IGSF3: variants seen among roughly 807,000 people sequenced by gnomAD.
The protein encoded by IGSF3 is glu-Trp-Ile EWI motif-containing protein 3.
A neutral mutation model predicts 114.4 loss-of-function variants in IGSF3; 23 were observed. The ratio of observed to expected loss-of-function variants is 0.20; its 90% CI spans 0.14 to 0.28. IGSF3 has a LOEUF of 0.28. Ranked by LOEUF, IGSF3 falls within the 10% of genes least tolerant of loss-of-function variation. The pLI, the probability that IGSF3 is intolerant of heterozygous loss-of-function variation, is 1.00. For missense variants in IGSF3, 1,172 were observed against 1,591.5 expected (o/e 0.74, Z 4.48); for synonymous variants, 571 against 645.2 (o/e 0.88, Z 1.74).
chr1:116,600,158 G>A lies in IGSF3; in HGVS notation c.1812C>T (p.Val604=), dbSNP rs1660515314. The A allele has an allele frequency of 6.2e-7, 1 of 1,613,882 alleles. No individual in the cohort carries two copies. Among genetic ancestry groups the A allele is most frequent in the Non-Finnish European group, 8.5e-7 (1 of 1,179,952 alleles). The change falls in exon 7 of 11, where the codon GTC becomes GTT. Residue 604 remains valine, a synonymous_variant. Transcript: ENST00000369486. This position sits in a 1 kb window ranked among gnomAD's most constrained non-coding sequence, Gnocchi z 5.5. ...AGCTGGAGGACCTGTCCCCCCACTGGACCCCTCCGTCCCGGGTGAAGGTCA... is the reference window on the plus strand; with the variant it reads ...AGCTGGAGGACCTGTCCCCCCACTGAACCCCTCCGTCCCGGGTGAAGGTCA... ...DLVTFTRDGG[V]QWGDRSSSFR...
Position 116,649,896 on chromosome 1 carries a change from C to T in IGSF3, c.43+16388G>A, listed in dbSNP as rs1046208632. Among the ~76,000 whole-genome samples the T allele has an allele frequency of 1.3e-5, 2 of 152,216 alleles. No individual in the cohort carries two copies. The highest frequency in any genetic ancestry group is 4.8e-5 in the African/African-American group (2 of 41,462). On this transcript the variant is annotated intron_variant, in intron 2 of 10. Transcript: ENST00000369486. This position sits in a 1 kb window ranked among gnomAD's most constrained non-coding sequence, Gnocchi z 4.5. ...ATCTCCCTGTTTTTTGGCAGCGCCA[C>T]ATCCACACCTGTCTTCACAGGTTTG...
intron 6 of IGSF3, among the ~76,000 whole-genome samples, chr1:116,602,807 G>A (rs1376456060): frequency 6.6e-6 from 1 of 152,226 alleles, no homozygotes; most frequent in Non-Finnish European, 1.5e-5. Flanking sequence ...TCACAGACTG[G>A]TCGTTTAAAA....
chr1:116,609,874 A>G (rs901132557), intron 4 of IGSF3, among the ~76,000 whole-genome samples: 2 of 151,786 alleles, frequency 1.3e-5, no homozygotes. Flanking sequence ...GCTCAGCTTT[A>G]CCCCTCCCGC....
Position 116,579,792 on chromosome 1 carries a change from G to C in IGSF3, c.2934C>G (p.Ser978=), listed in dbSNP as rs1659522385. The change falls in exon 10 of 11, where the codon TCC becomes TCG. Residue 978 remains serine, a synonymous_variant. Coordinates refer to ENST00000369486, the MANE Select transcript of IGSF3 (RefSeq NM_001007237.3). The surrounding 1 kb of genome is among the most constrained non-coding windows in gnomAD (Gnocchi z 6.4). ...CGAAGCGGGAGTCCTGGCTGGAGCG[G>C]GACACGATGCTACAGTCCAGCTGGA... ...AAFQLDCSIV[S]RSSQDSRFAV... The C allele has an allele frequency of 6.2e-7, 1 of 1,613,970 alleles. No individual in the cohort carries two copies. Among genetic ancestry groups the C allele is most frequent in the African/African-American group, 1.3e-5 (1 of 74,910 alleles).
At position 116,588,710 on chromosome 1, in the gene IGSF3, G is replaced by A. The variant is rs761643133; in HGVS notation, c.2424C>T (p.Val808=). Residue 808 remains valine, a synonymous_variant, in exon 8 of 11, where the codon GTC becomes GTT. Transcript: ENST00000369486. The surrounding 1 kb of genome is among the most constrained non-coding windows in gnomAD (Gnocchi z 4.9). ...CGGCCTTACCTGGCTGTTTCACAGT[G>A]ACTTCTGTGCGCCCAGAAACCTCCT... ...LAEEVSGRTE[V]TVKQPDSRLR... The A allele has an allele frequency of 9.4e-6, 15 of 1,600,744 alleles. No individual in the cohort carries two copies. The highest frequency in any genetic ancestry group is 3.4e-5 in the Admixed American group (2 of 59,158).
intron 9 of IGSF3, among the ~76,000 whole-genome samples, chr1:116,581,320 C>CTT (rs955415319): frequency 0.012 from 814 of 70,492 alleles, 18 homozygotes; most frequent in African/African-American, 0.032. Context: ...GTTTTGCTGT[C>CTT]TTTTTTTTTT....
rs576578490 is a variant in IGSF3, at chr1:116,628,687, T to G, written c.44-12230A>C. ...AGAGCACTGACACTGCTTCTGGGGG[T>G]TTTCCCAAGCACGTGTTACGTATGA... On this transcript the variant is annotated intron_variant, in intron 2 of 10. Transcript: ENST00000369486. This position sits in a 1 kb window ranked among gnomAD's most constrained non-coding sequence, Gnocchi z 4.2. Among the ~76,000 whole-genome samples, 39 of 151,190 alleles carry G rather than the reference T, an allele frequency of 2.6e-4. No homozygotes were observed. The highest frequency in any genetic ancestry group is 8.3e-4 in the African/African-American group (34 of 41,124).
At position 116,648,681 on chromosome 1, in the gene IGSF3, G is replaced by C. The variant is rs1351888348; in HGVS notation, c.43+17603C>G. On this transcript the variant is annotated intron_variant, in intron 2 of 10. Coordinates refer to ENST00000369486, the MANE Select transcript of IGSF3 (RefSeq NM_001007237.3). This position sits in a 1 kb window ranked among gnomAD's most constrained non-coding sequence, Gnocchi z 4.7. ...ACTCTTCTGAGAGTGGGAAAGATTT[G>C]AAAGATGGGATTTGCACCTTATTCC... 6.6e-6 allele frequency among the ~76,000 whole-genome samples: 1 copy of C among 152,196 alleles called. No individual in the cohort carries two copies. Among genetic ancestry groups the C allele is most frequent in the Non-Finnish European group, 1.5e-5 (1 of 68,030 alleles).
rs1659423262 is a variant in IGSF3, at chr1:116,577,960, T to C, written c.3335-398A>G. Among the ~76,000 whole-genome samples the C allele has an allele frequency of 2.0e-5, 3 of 152,194 alleles. No homozygotes were observed. The highest frequency in any genetic ancestry group is 1.3e-4 in the Admixed American group (2 of 15,280). ...CTTTGCACTTAGTTCTGCTACAGACTTCCTTCTCTGGGATTATGACACAAT... is the reference window on the plus strand; with the variant it reads ...CTTTGCACTTAGTTCTGCTACAGACCTCCTTCTCTGGGATTATGACACAAT... On this transcript the variant is annotated intron_variant, in intron 10 of 10. Transcript: ENST00000369486. The surrounding 1 kb of genome is among the most constrained non-coding windows in gnomAD (Gnocchi z 5.7).
At position 116,655,639 on chromosome 1, in the gene IGSF3, T is replaced by A. The variant is rs2101077001; in HGVS notation, c.43+10645A>T. On this transcript the variant is annotated intron_variant, in intron 2 of 10. Coordinates refer to ENST00000369486, the MANE Select transcript of IGSF3 (RefSeq NM_001007237.3). The surrounding 1 kb of genome is among the most constrained non-coding windows in gnomAD (Gnocchi z 4.3). ...GGCTACTCGGGTCCAGTTCATTCTA[T>A]CTGGAGGAGTCACTTGGGAATTGAA... Among the ~76,000 whole-genome samples the A allele has an allele frequency of 6.6e-6, 1 of 152,350 alleles. No homozygotes were observed. Among genetic ancestry groups the A allele is most frequent in the South Asian group, 2.1e-4 (1 of 4,832 alleles).
chr1:116,667,364 G>A (rs111246504), intron 1 of IGSF3, among the ~76,000 whole-genome samples: 1 of 152,084 alleles, frequency 6.6e-6, no homozygotes, highest in Non-Finnish European at 1.5e-5. Flanking sequence ...GTTTTACCTT[G>A]CAGGGTGTTT....
intron 4 of IGSF3, among the ~76,000 whole-genome samples, chr1:116,609,413 C>A (rs74349943): frequency 6.6e-6 from 1 of 151,958 alleles, no homozygotes; most frequent in African/African-American, 2.4e-5. Context: ...GAGTTGGGTG[C>A]TTAACCAGGC....
At chr1:116,626,038 G>A (rs1008634606) in intron 2 of IGSF3, among the ~76,000 whole-genome samples, 9 of 152,224 alleles carry the variant, frequency 5.9e-5, no homozygotes, top group African/African-American at 2.2e-4. Context: ...ATTACTAAAT[G>A]TTGAAGCTGC....
At chr1:116,611,656 G>A (rs1661028250) in intron 4 of IGSF3, among the ~76,000 whole-genome samples, 1 of 151,934 alleles carries the variant, frequency 6.6e-6, no homozygotes, top group Non-Finnish European at 1.5e-5. Context: ...TCCTCCTGCT[G>A]ACTCCTCAAG....
In IGSF3 at chr1:116,634,300, T is replaced by G. The variant is rs1025967604; in HGVS notation, c.44-17843A>C. ...CCTAATAAAACGCTGTTTAAAAATC[T>G]AAGAGGAAAAAAGGGTAGGCTCCAG... On this transcript the variant is annotated intron_variant, in intron 2 of 10. Coordinates refer to ENST00000369486, the MANE Select transcript of IGSF3 (RefSeq NM_001007237.3). The surrounding 1 kb of genome is among the most constrained non-coding windows in gnomAD (Gnocchi z 4.2). 1.3e-5 allele frequency among the ~76,000 whole-genome samples: 2 copies of G among 152,154 alleles called. No homozygotes were observed. The highest frequency in any genetic ancestry group is 4.8e-5 in the African/African-American group (2 of 41,428).
rs1458651447 is a variant in IGSF3, at chr1:116,598,752, G to A, written c.2029+1189C>T. Among the ~76,000 whole-genome samples the A allele has an allele frequency of 6.6e-6, 1 of 152,196 alleles. No homozygotes were observed. Among genetic ancestry groups the A allele is most frequent in the Non-Finnish European group, 1.5e-5 (1 of 68,034 alleles). The stretch of plus-strand genomic sequence containing the variant: ...GTCTGTTCCAGCCGAGGCATGGGCT[G>A]GGCGAGGGAAGGAACACGGGAGCCT... On this transcript the variant is annotated intron_variant, in intron 7 of 10. Transcript: ENST00000369486. The surrounding 1 kb of genome is among the most constrained non-coding windows in gnomAD (Gnocchi z 4.3).
At chr1:116,637,272 T>A (rs1326266218) in intron 2 of IGSF3, among the ~76,000 whole-genome samples, 2 of 152,222 alleles carry the variant, frequency 1.3e-5, no homozygotes, top group Non-Finnish European at 2.9e-5. Context: ...TACTTTGAAC[T>A]GAAATTGGGC....
Position 116,613,990 on chromosome 1 carries a change from T to C in IGSF3, c.607A>G (p.Met203Val). 3.7e-6 allele frequency: 6 copies of C among 1,614,032 alleles called. No homozygotes were observed. The highest frequency in any genetic ancestry group is 5.1e-6 in the Non-Finnish European group (6 of 1,179,912). ...VEVISLSRDF[M>V]LHSSSEYAQR... ...GCATATTCGCTGCTGGAGTGAAGCA[T>C]GAAATCTCGGCTCAGGGAGATGACC... The change falls in exon 4 of 11, where the codon ATG becomes GTG. Residue 203 changes from methionine (M) to valine (V), a missense_variant. By Grantham distance (21) the Met-to-Val change is conservative. Transcript: ENST00000369486.
intron 2 of IGSF3, among the ~76,000 whole-genome samples, chr1:116,645,208 T>C (rs1269916437): frequency 6.6e-6 from 1 of 152,202 alleles, no homozygotes; most frequent in African/African-American, 2.4e-5. Context: ...CACAAGAACA[T>C]GGAGGGATCT....
Sources: gnomAD v4.1 joint callset for allele counts (sites outside exome capture counted in the v4.1 genomes callset) on GRCh38, gnomAD v4.1.1 for gene constraint, Gnocchi (gnomAD v3.1) non-coding constraint, MANE v1.5 for transcripts, NCBI Gene and HGNC (gene_info 2026-07-23, HGNC 2026-07-21) for gene names.